RANBP17: variants seen among roughly 807,000 people sequenced by gnomAD.
RANBP17 encodes RAN binding protein 17, also known as ran-binding protein 17.
RANBP17 carries 158 observed loss-of-function variants against 141.2 expected under a neutral mutation model. The ratio of observed to expected loss-of-function variants is 1.12; its 90% CI spans 0.98 to 1.28. The LOEUF is 1.28. Among genes scored for constraint, RANBP17 ranks in the 50% most tolerant of loss-of-function variants. RANBP17 has a pLI of 0.00. For synonymous variants in RANBP17, 430 were observed against 450.0 expected (o/e 0.96, Z 0.56); for missense variants, 1,438 against 1,290.7 (o/e 1.11, Z -1.75).
chr5:171,089,326 C>G lies in RANBP17; in HGVS notation c.1711-80804C>G, dbSNP rs1345028572. 1.9e-3 allele frequency among the ~76,000 whole-genome samples: 260 copies of G among 137,066 alleles called. 3 individuals carry two copies. The highest frequency in any genetic ancestry group is 6.4e-3 in the African/African-American group (238 of 37,118). 89.9% of individuals were successfully genotyped at this position (137,066 alleles called of 152,430 possible). ...AGGCAGTCTGCCCGTTCTCAGATCTCCAGCTGCGTGCTGGGAGAACCACTG... is the reference window on the plus strand; with the variant it reads ...AGGCAGTCTGCCCGTTCTCAGATCTGCAGCTGCGTGCTGGGAGAACCACTG... On this transcript the variant is annotated intron_variant, in intron 14 of 27. Coordinates refer to ENST00000523189, the MANE Select transcript of RANBP17 (RefSeq NM_022897.5).
intron 12 of RANBP17, among the ~76,000 whole-genome samples, chr5:170,948,313 TAA>T (rs1190487363): frequency 1.3e-5 from 2 of 152,124 alleles, no homozygotes; most frequent in East Asian, 3.9e-4. Context: ...GTGAAGGGTA[TAA>T]GAGAGAGTGA....
At chr5:171,220,325 C>T (rs1220081142) in intron 21 of RANBP17, among the ~76,000 whole-genome samples, 1 of 150,734 alleles carries the variant, frequency 6.6e-6, no homozygotes, top group Non-Finnish European at 1.5e-5. Flanking sequence ...TGGGAGGTGC[C>T]TCCCGGTTAG....
Position 170,914,308 on chromosome 5 carries a change from T to C in RANBP17, c.834+68T>C, listed in dbSNP as rs549584533. 4 of 968,450 alleles carry C rather than the reference T, an allele frequency of 4.1e-6. No homozygotes were observed. The South Asian group carries it at 5.8e-5, about 14-fold the overall frequency. 60.0% of individuals were successfully genotyped at this position (968,450 alleles called of 1,614,324 possible). On this transcript the variant is annotated intron_variant, in intron 8 of 27. Coordinates refer to ENST00000523189, the MANE Select transcript of RANBP17 (RefSeq NM_022897.5). ...TAAATAAGGGGTGGTATATATTTAC[T>C]TCAAAAATTCTGTTTATATATTCAA...
intron 1 of RANBP17, among the ~76,000 whole-genome samples, chr5:170,874,175 T>C (rs1398742698): frequency 1.3e-5 from 2 of 152,186 alleles, no homozygotes; most frequent in Non-Finnish European, 1.5e-5. Flanking sequence ...TAATCTTGAG[T>C]TCTACTTTGC....
At chr5:171,164,004 T>C (rs1462487511) in intron 14 of RANBP17, among the ~76,000 whole-genome samples, 1 of 152,176 alleles carries the variant, frequency 6.6e-6, no homozygotes, top group East Asian at 1.9e-4. Context: ...TCCAAAATCT[T>C]AATTCATTAT....
intron 5 of RANBP17, among the ~76,000 whole-genome samples, chr5:170,898,426 GC>G (rs1770326777): frequency 2.0e-5 from 3 of 151,952 alleles, no homozygotes; most frequent in South Asian, 2.1e-4. Context: ...CTGGGTATTA[GC>G]CCTTTGTCAG....
chr5:171,252,807 T>C (rs762221709), intron 24 of RANBP17: 40 of 1,229,148 alleles, frequency 3.3e-5, no homozygotes, highest in Non-Finnish European at 4.7e-5. Context: ...TTGTCAGCAT[T>C]GGTCCCAGTC....
At chr5:170,959,380 C>A (rs1248068998) in intron 13 of RANBP17, among the ~76,000 whole-genome samples, 1 of 152,204 alleles carries the variant, frequency 6.6e-6, no homozygotes. Flanking sequence ...CCCAGAGTAT[C>A]CTGTGCTACT....
At chr5:171,001,964 A>G (rs1050332727) in intron 14 of RANBP17, among the ~76,000 whole-genome samples, 1 of 152,072 alleles carries the variant, frequency 6.6e-6, no homozygotes, top group Non-Finnish European at 1.5e-5. Flanking sequence ...ATGTGAGTAA[A>G]GTCAATTTGC....
chr5:171,177,127 A>AT (rs1295524389), intron 16 of RANBP17, among the ~76,000 whole-genome samples: 4 of 152,150 alleles, frequency 2.6e-5, no homozygotes, highest in African/African-American at 7.2e-5. Flanking sequence ...TTCTATTAGC[A>AT]TTTTTTATCA....
In RANBP17 at chr5:171,249,289, A is replaced by G. The variant is rs1765410977; in HGVS notation, c.2776+6469A>G. The stretch of plus-strand genomic sequence containing the variant: ...CTTCTTCAGGAAAAATGCCTCCCCT[A>G]TGAAAGTAAATTCAAAAACAAGAAA... On this transcript the variant is annotated intron_variant, in intron 24 of 27. Transcript: ENST00000523189. Among the ~76,000 whole-genome samples, 4 of 152,232 alleles carry G rather than the reference A, an allele frequency of 2.6e-5. No homozygotes were observed. The South Asian group carries it at 8.3e-4, about 32-fold the overall frequency.
chr5:171,186,347 T>C (rs1761234067), intron 18 of RANBP17, among the ~76,000 whole-genome samples: 1 of 152,072 alleles, frequency 6.6e-6, no homozygotes. Context: ...CTTGGCTGCT[T>C]CACCTTGCAC....
At chr5:170,985,553 A>G (rs988471923) in intron 14 of RANBP17, among the ~76,000 whole-genome samples, 10 of 152,156 alleles carry the variant, frequency 6.6e-5, no homozygotes, top group East Asian at 3.9e-4. Flanking sequence ...TTGATATCCT[A>G]TTCAATCTTT....
At chr5:171,140,814 A>T (rs1757635513) in intron 14 of RANBP17, among the ~76,000 whole-genome samples, 1 of 152,056 alleles carries the variant, frequency 6.6e-6, no homozygotes, top group Non-Finnish European at 1.5e-5. Flanking sequence ...GTATCCAAGG[A>T]CCTCTTCATC....
chr5:171,221,280 T>G (rs1416850825), intron 21 of RANBP17, among the ~76,000 whole-genome samples: 1 of 152,226 alleles, frequency 6.6e-6, no homozygotes, highest in Non-Finnish European at 1.5e-5. Context: ...AGGTAATTCT[T>G]TACACATATG....
intron 21 of RANBP17, among the ~76,000 whole-genome samples, chr5:171,221,405 T>C (rs909403441): frequency 1.3e-5 from 2 of 152,224 alleles, no homozygotes; most frequent in African/African-American, 4.8e-5. Context: ...TATCCAAGTA[T>C]TTGTCTAAAC....
At chr5:171,255,109 A>C (rs1034586393) in intron 24 of RANBP17, among the ~76,000 whole-genome samples, 5 of 152,304 alleles carry the variant, frequency 3.3e-5, no homozygotes, top group African/African-American at 1.2e-4. Context: ...CTAAAGCCTT[A>C]CCCTGGCTAG....
intron 22 of RANBP17, among the ~76,000 whole-genome samples, chr5:171,236,586 ACCT>A (rs1466030383): frequency 1.5e-4 from 23 of 151,726 alleles, no homozygotes; most frequent in Admixed American, 3.9e-4. Flanking sequence ...ACTCAGCTTC[ACCT>A]CCTCCTCTTT....
intron 14 of RANBP17, among the ~76,000 whole-genome samples, chr5:170,982,011 G>A (rs562634355): frequency 7.9e-5 from 12 of 152,270 alleles, no homozygotes; most frequent in Admixed American, 6.5e-4. Context: ...TTGTCTCTCC[G>A]AAATTCTTGC....
Sources: gnomAD v4.1 joint callset for allele counts (sites outside exome capture counted in the v4.1 genomes callset) on GRCh38, gnomAD v4.1.1 for gene constraint, MANE v1.5 for transcripts, NCBI Gene and HGNC (gene_info 2026-07-23, HGNC 2026-07-21) for gene names.